PDE1C: variants seen among roughly 807,000 people sequenced by gnomAD.
PDE1C encodes dual specificity calcium/calmodulin-dependent 3',5'-cyclic nucleotide phosphodiesterase 1C.
Under a neutral mutation model 93.1 loss-of-function variants are expected in PDE1C, and 62 were observed. The ratio of observed to expected loss-of-function variants is 0.67; its 90% CI spans 0.54 to 0.82. PDE1C has a LOEUF of 0.82. Ranked by LOEUF, PDE1C falls within the 40% of genes least tolerant of loss-of-function variation. The pLI, the probability that PDE1C is intolerant of heterozygous loss-of-function variation, is 0.00. For missense variants in PDE1C, 742 were observed against 884.6 expected (o/e 0.84, Z 2.04); for synonymous variants, 325 against 310.1 (o/e 1.05, Z -0.50).
the PDE1C span, among the ~76,000 whole-genome samples, chr7:31,618,777 G>A: frequency 1.3e-5 from 2 of 152,200 alleles, no homozygotes; most frequent in Non-Finnish European, 2.9e-5. Context: ...GTTGGCATCA[G>A]GATGAAACCC....
chr7:31,625,279 A>G, the PDE1C span, among the ~76,000 whole-genome samples: 1 of 84,438 alleles, frequency 1.2e-5, no homozygotes, highest in East Asian at 6.5e-4. Flanking sequence ...CTGGGTATAT[A>G]CCCAAAGGAT....
intron 2 of PDE1C, among the ~76,000 whole-genome samples, chr7:31,993,052 T>C (rs1430078193): frequency 1.3e-5 from 2 of 152,188 alleles, no homozygotes; most frequent in Admixed American, 1.3e-4. Flanking sequence ...AAACATTTCT[T>C]ATGGATGCTT....
At chr7:32,195,555 G>C (rs1804550596) in intron 2 of PDE1C, among the ~76,000 whole-genome samples, 1 of 152,100 alleles carries the variant, frequency 6.6e-6, no homozygotes, top group Non-Finnish European at 1.5e-5. Context: ...TGAGATTTTA[G>C]AAGTTTAATT....
chr7:31,647,705 G>GAAC, the PDE1C span, among the ~76,000 whole-genome samples: 1 of 144,626 alleles, frequency 6.9e-6, no homozygotes, highest in African/African-American at 2.5e-5. Flanking sequence ...AGAAGAGGAA[G>GAAC]AAGAAGACGA....
At chr7:31,651,371 T>A in the PDE1C span, 2 of 1,325,910 alleles carry the variant, frequency 1.5e-6, no homozygotes, top group Non-Finnish European at 2.0e-6. Flanking sequence ...GCAGAGCTAA[T>A]GAGAAACCGG....
At chr7:32,156,890 GA>G (rs1801607117) in intron 3 of PDE1C, among the ~76,000 whole-genome samples, 1 of 152,192 alleles carries the variant, frequency 6.6e-6, no homozygotes, top group African/African-American at 2.4e-5. Context: ...CATTGATTGT[GA>G]CAAAGGTACC....
intron 17 of PDE1C, 67 bp from the exon 18 acceptor site, chr7:31,753,620 T>C: frequency 6.5e-7 from 1 of 1,528,924 alleles, no homozygotes; most frequent in Middle Eastern, 2.0e-4. Flanking sequence ...AACCTAAATA[T>C]TGTGAGCAAC....
the PDE1C span, among the ~76,000 whole-genome samples, chr7:31,631,252 G>A: frequency 6.6e-6 from 1 of 152,032 alleles, no homozygotes; most frequent in Admixed American, 6.5e-5. Flanking sequence ...CCAAAATCTG[G>A]GGGCAAAAGG....
intron 16 of PDE1C, among the ~76,000 whole-genome samples, chr7:31,777,203 T>A (rs1584029776): frequency 6.6e-6 from 1 of 150,788 alleles, no homozygotes; most frequent in Non-Finnish European, 1.5e-5. Flanking sequence ...GACTGGGCAG[T>A]GTCAGAGGAA....
chr7:31,864,802 T>C (rs1023142669), intron 7 of PDE1C, 140 bp downstream of exon 7: 16 of 788,346 alleles, frequency 2.0e-5, no homozygotes, highest in Middle Eastern at 7.7e-4. Context: ...TCCATATTGG[T>C]TAGATTACTC....
At chr7:31,713,583 C>T in the PDE1C span, among the ~76,000 whole-genome samples, 1 of 152,188 alleles carries the variant, frequency 6.6e-6, no homozygotes, top group Non-Finnish European at 1.5e-5. Flanking sequence ...GGGCTCCAAC[C>T]CCACATTTCC....
At chr7:31,747,215 A>G (rs1794025229), downstream of PDE1C, among the ~76,000 whole-genome samples, 1 of 152,198 alleles carries the variant, frequency 6.6e-6, no homozygotes, top group African/African-American at 2.4e-5. Flanking sequence ...AACACAATGC[A>G]TGGAAAAAAT....
At chr7:32,171,405 GA>G (rs144419556) in intron 2 of PDE1C, among the ~76,000 whole-genome samples, 4 of 143,784 alleles carry the variant, frequency 2.8e-5, no homozygotes, top group South Asian at 2.2e-4. Context: ...AAAATATTCA[GA>G]AAAAAAAAAT....
At chr7:31,935,410 A>AG (rs1383913330) in intron 2 of PDE1C, among the ~76,000 whole-genome samples, 4 of 152,144 alleles carry the variant, frequency 2.6e-5, no homozygotes, top group Non-Finnish European at 5.9e-5. Flanking sequence ...TATTGACTTC[A>AG]GGGCACAAGT....
intron 1 of PDE1C, among the ~76,000 whole-genome samples, chr7:32,269,429 G>A (rs944336895): frequency 2.0e-5 from 3 of 151,020 alleles, no homozygotes; most frequent in Admixed American, 6.7e-5. Context: ...GGCAGGGAGT[G>A]TAGGATATAT....
the PDE1C span, among the ~76,000 whole-genome samples, chr7:31,680,242 C>T: frequency 6.6e-6 from 1 of 152,106 alleles, no homozygotes; most frequent in African/African-American, 2.4e-5. Flanking sequence ...TGCCAGATGT[C>T]CAGCTTTGAG....
intron 3 of PDE1C, among the ~76,000 whole-genome samples, chr7:32,083,198 A>G (rs919302145): frequency 3.3e-5 from 5 of 152,112 alleles, no homozygotes; most frequent in African/African-American, 1.2e-4. Flanking sequence ...GAACTACGTG[A>G]AGAATGCAGA....
At chr7:31,959,780 T>G (rs974536508) in intron 2 of PDE1C, among the ~76,000 whole-genome samples, 1 of 152,192 alleles carries the variant, frequency 6.6e-6, no homozygotes, top group African/African-American at 2.4e-5. Context: ...AAATATTCCA[T>G]TGCATACACT....
chr7:31,937,087 T>C (rs1584072394), intron 2 of PDE1C, among the ~76,000 whole-genome samples: 1 of 152,110 alleles, frequency 6.6e-6, no homozygotes, highest in Non-Finnish European at 1.5e-5. Context: ...TGAGTTAAGA[T>C]AGGGGGGATT....
Sources: gnomAD v4.1 joint callset for allele counts (sites outside exome capture counted in the v4.1 genomes callset) on GRCh38, gnomAD v4.1.1 for gene constraint, MANE v1.5 for transcripts, NCBI Gene and HGNC (gene_info 2026-07-23, HGNC 2026-07-21) for gene names.